Variants in NLRP11 observed in about 807,000 individuals in gnomAD.
NLRP11 encodes NLR family pyrin domain containing 11, also known as NACHT, LRR and PYD domains-containing protein 11.
NLRP11 carries 53 observed loss-of-function variants against 79.3 expected under a neutral mutation model. The observed-to-expected ratio is 0.67, with a 90% CI of 0.54 to 0.84. The LOEUF is 0.84. Ranked by LOEUF, NLRP11 falls within the 40% of genes least tolerant of loss-of-function variation. NLRP11 has a pLI of 0.00. For missense variants in NLRP11, 1,264 were observed against 1,255.0 expected (o/e 1.01, Z -0.11); for synonymous variants, 518 against 462.6 (o/e 1.12, Z -1.54).
chr19:55,794,993 ATTCTT>A (rs986086136), intron 6 of NLRP11, among the ~76,000 whole-genome samples: 3 of 152,170 alleles, frequency 2.0e-5, no homozygotes, highest in African/African-American at 7.2e-5. Flanking sequence ...GACCTACTGC[ATTCTT>A]TTGTCTTTTT....
intron 2 of NLRP11, among the ~76,000 whole-genome samples, chr19:55,815,986 T>G (rs1289206634): frequency 6.6e-6 from 1 of 152,142 alleles, no homozygotes; most frequent in Non-Finnish European, 1.5e-5. Context: ...TGGAGGAGAA[T>G]AGCAAAGGAA....
chr19:55,797,070 T>A (rs7246886), intron 5 of NLRP11, among the ~76,000 whole-genome samples: 2,653 of 152,308 alleles, frequency 0.017, 77 homozygotes, highest in African/African-American at 0.061. Context: ...TATTTTTGCT[T>A]TAGTGTCTAG....
intron 1 of NLRP11, among the ~76,000 whole-genome samples, chr19:55,827,760 G>T (rs1982371597): frequency 6.6e-6 from 1 of 151,550 alleles, no homozygotes; most frequent in Non-Finnish European, 1.5e-5. Flanking sequence ...AAAAAGTCAG[G>T]AAACAACAGG....
rs574863609 is a variant in NLRP11, at chr19:55,822,897, G to T, written c.-62-4661C>A. Among the ~76,000 whole-genome samples the T allele has an allele frequency of 5.3e-4, 80 of 152,348 alleles. 2 individuals carry two copies. Among genetic ancestry groups the T allele is most frequent in the Non-Finnish European group, 7.9e-4 (54 of 68,034 alleles). The stretch of plus-strand genomic sequence containing the variant: ...ACAAAGCAGCCAGGAAGCTGGAACT[G>T]GGGGGAGCCCACCACAGCTCAAGGA... On this transcript the variant is annotated intron_variant, in intron 1 of 9. Coordinates refer to ENST00000589093, the Ensembl canonical transcript of NLRP11.
intron 1 of NLRP11, among the ~76,000 whole-genome samples, chr19:55,824,109 C>A (rs1445034673): frequency 8.4e-6 from 1 of 118,428 alleles, no homozygotes; most frequent in Non-Finnish European, 1.6e-5. Flanking sequence ...GGCCAATATT[C>A]AACATTCTTA....
intron 4 of NLRP11, 110 bp from the exon 5 acceptor site, chr19:55,801,849 C>T: frequency 1.2e-6 from 1 of 812,692 alleles, no homozygotes; most frequent in Non-Finnish European, 2.0e-6. Flanking sequence ...CAGTGGATTA[C>T]ATCCTCACAC....
chr19:55,817,467 AC>A (rs1981246989), intron 2 of NLRP11, among the ~76,000 whole-genome samples: 2 of 152,114 alleles, frequency 1.3e-5, no homozygotes, highest in African/African-American at 2.4e-5. Context: ...GAACACACAC[AC>A]ACACACACAC....
chr19:55,832,781 G>A (rs1439091298), upstream of NLRP11: 1 of 152,072 alleles, frequency 6.6e-6, no homozygotes, highest in Non-Finnish European at 1.5e-5. Flanking sequence ...AAAAGCAAGA[G>A]CAAACAAAAA....
At chr19:55,822,799 CTG>C (rs1981901898) in intron 1 of NLRP11, among the ~76,000 whole-genome samples, 1 of 151,972 alleles carries the variant, frequency 6.6e-6, no homozygotes, top group South Asian at 2.1e-4. Flanking sequence ...GCACAGCAGT[CTG>C]AGATCAAACT....
At position 55,796,075 on chromosome 19, in the gene NLRP11, C is replaced by T; in HGVS notation, c.2342+5G>A. Reference sequence around the variant, plus strand: ...TACGTGGTGAGCTCGTCTAAGCCAACTTACACCAGTGATATAAGAGTGCAG... The same window carrying T: ...TACGTGGTGAGCTCGTCTAAGCCAATTTACACCAGTGATATAAGAGTGCAG... On this transcript the variant is annotated splice_donor_5th_base_variant and intron_variant, in intron 6 of 9. Coordinates refer to ENST00000589093, the Ensembl canonical transcript of NLRP11. 6.2e-7 allele frequency: 1 copy of T among 1,608,168 alleles called. No homozygotes were observed. Among genetic ancestry groups the T allele is most frequent in the Non-Finnish European group, 8.5e-7 (1 of 1,175,094 alleles).
intron 1 of NLRP11, among the ~76,000 whole-genome samples, chr19:55,828,182 T>C (rs1268439821): frequency 2.7e-5 from 4 of 150,584 alleles, no homozygotes; most frequent in Admixed American, 6.7e-5. Flanking sequence ...AACCAAACAC[T>C]GCATGTTCTC....
chr19:55,835,211 G>A (rs1983132938), upstream of NLRP11, among the ~76,000 whole-genome samples: 1 of 152,194 alleles, frequency 6.6e-6, no homozygotes, highest in Non-Finnish European at 1.5e-5. Flanking sequence ...TTATAAGGAG[G>A]AACTAAAATG....
intron 2 of NLRP11, among the ~76,000 whole-genome samples, chr19:55,813,090 G>A (rs1196997371): frequency 1.3e-5 from 2 of 152,140 alleles, no homozygotes; most frequent in Non-Finnish European, 2.9e-5. Context: ...CACTTTGGGA[G>A]GCGAAGGCGG....
chr19:55,797,440 A>C (rs1032787463), intron 5 of NLRP11, among the ~76,000 whole-genome samples: 4 of 152,236 alleles, frequency 2.6e-5, no homozygotes, highest in Admixed American at 1.3e-4. Flanking sequence ...CCATCTTTCA[A>C]CTAACAAATA....
chr19:55,817,469 AC>A (rs2030268151), intron 2 of NLRP11, among the ~76,000 whole-genome samples: 2 of 152,168 alleles, frequency 1.3e-5, no homozygotes, highest in African/African-American at 2.4e-5. Context: ...ACACACACAC[AC>A]ACACACACAA....
chr19:55,786,453 C>G (rs1174987053), intron 9 of NLRP11, among the ~76,000 whole-genome samples: 1 of 151,812 alleles, frequency 6.6e-6, no homozygotes, highest in Non-Finnish European at 1.5e-5. Flanking sequence ...CCTGGGAGGT[C>G]AAGGCTGCAG....
chr19:55,813,679 A>G (rs562122414), intron 2 of NLRP11, among the ~76,000 whole-genome samples: 21 of 152,338 alleles, frequency 1.4e-4, no homozygotes, highest in African/African-American at 4.1e-4. Context: ...GGACAGCACA[A>G]CAGTCTTGAG....
chr19:55,803,636 C>A (rs1400416224), intron 4 of NLRP11, among the ~76,000 whole-genome samples: 1 of 152,058 alleles, frequency 6.6e-6, no homozygotes, highest in African/African-American at 2.4e-5. Flanking sequence ...AAAAAGTGGG[C>A]AAAGGGTATA....
At position 55,809,669 on chromosome 19, in the gene NLRP11, T is replaced by G; in HGVS notation, c.941A>C (p.Lys314Thr). The change falls in exon 3 of 10, where the codon AAA (lysine) becomes ACA (threonine). Residue 314 changes from lysine to threonine, a missense_variant. By Grantham distance (78) the Lys-to-Thr change is moderately conservative. Coordinates refer to ENST00000589093, the Ensembl canonical transcript of NLRP11. The surrounding 1 kb of genome is among the most constrained non-coding windows in gnomAD (Gnocchi z 4.5). Reference sequence around the variant, plus strand: ...GGCTGCCGACGCCCTCTGGCGGTCTTTAAAGAAAGAGTTAAAATATATCTC... The same window carrying G: ...GGCTGCCGACGCCCTCTGGCGGTCTGTAAAGAAAGAGTTAAAATATATCTC... The G allele has an allele frequency of 6.2e-7, 1 of 1,614,054 alleles. No individual in the cohort carries two copies. The highest frequency in any genetic ancestry group is 1.7e-5 in the Admixed American group (1 of 59,994).
Sources: gnomAD v4.1 joint callset for allele counts (sites outside exome capture counted in the v4.1 genomes callset) on GRCh38, gnomAD v4.1.1 for gene constraint, Gnocchi (gnomAD v3.1) non-coding constraint, MANE v1.5 for transcripts, NCBI Gene and HGNC (gene_info 2026-07-23, HGNC 2026-07-21) for gene names.